CWC15: variants seen among roughly 807,000 people sequenced by gnomAD.
CWC15 encodes CWC15 spliceosome associated protein, also known as spliceosome-associated protein CWC15 homolog.
In CWC15, 12 loss-of-function variants were observed where a neutral mutation model predicts 28.4. That is an observed-to-expected ratio of 0.42 (90% CI 0.27 to 0.69). The LOEUF (loss-of-function observed/expected upper bound fraction) is 0.69, where lower values mean the gene tolerates loss of function less well. CWC15 is among the 30% of genes least tolerant of loss of function. The probability of loss-of-function intolerance (pLI) is 0.23; values close to 1 mark genes in which losing one functional copy is unlikely to be tolerated. For synonymous variants in CWC15, 92 were observed against 88.4 expected (o/e 1.04, Z -0.23); for missense variants, 192 against 271.5 (o/e 0.71, Z 2.06).
chr11:94,965,928 T>C (rs184720845), intron 6 of CWC15, among the ~76,000 whole-genome samples: 20 of 152,304 alleles, frequency 1.3e-4, no homozygotes, highest in Non-Finnish European at 7.4e-5. Context: ...TGAGTTCTTC[T>C]AGTGAGTGTC....
chr11:94,971,084 C>G lies in CWC15; in HGVS notation c.245-19G>C, dbSNP rs782211710. Reference sequence around the variant, plus strand: ...GTATGTTCTGGGGGGAAACAAAAATCATTTAACTTAGTAAAACAAATACTT... The same window carrying G: ...GTATGTTCTGGGGGGAAACAAAAATGATTTAACTTAGTAAAACAAATACTT... On this transcript the variant is annotated intron_variant, in intron 3 of 6. Transcript: ENST00000279839. 6.9e-6 allele frequency: 11 copies of G among 1,589,750 alleles called. No homozygotes were observed. The highest frequency in any genetic ancestry group is 1.7e-5 in the Admixed American group (1 of 59,946).
At position 94,971,379 on chromosome 11, in the gene CWC15, G is replaced by A. The variant is rs587696527; in HGVS notation, c.240C>T (p.Thr80=). 6.2e-7 allele frequency: 1 copy of A among 1,607,928 alleles called. No individual in the cohort carries two copies. Among genetic ancestry groups the A allele is most frequent in the South Asian group, 1.1e-5 (1 of 90,212 alleles). Residue 80 remains threonine (T), a synonymous_variant, in exon 3 of 7, where the codon ACC becomes ACT. Transcript: ENST00000279839. ...TGTCTTGGATAGTGTTGGTACCTCG[G>A]GTTGGACGATCCCTATTTTTCTCTC... The part of the protein sequence containing the change: ...AAREKNRDRP[T]REHTTSSSVS...
intron 5 of CWC15, among the ~76,000 whole-genome samples, chr11:94,967,211 A>G (rs1202464163): frequency 6.6e-6 from 1 of 152,066 alleles, no homozygotes; most frequent in Non-Finnish European, 1.5e-5. Context: ...TATTTTTAGT[A>G]GAGACGTCAT....
intron 6 of CWC15, 81 bp from the exon 7 acceptor site, chr11:94,963,595 T>A: frequency 8.2e-7 from 1 of 1,216,274 alleles, no homozygotes. Flanking sequence ...CAAGGCTTAG[T>A]CAGTTACACA....
At chr11:94,966,241 ACACACACAC>A in intron 6 of CWC15, 45 bp downstream of exon 6, 1 of 879,762 alleles carries the variant, frequency 1.1e-6, no homozygotes. Context: ...ACACACACAC[ACACACACAC>A]ACACACACAC....
At position 94,966,420 on chromosome 11, in the gene CWC15, A is replaced by G; in HGVS notation, c.442-7T>C. ...CAGCTTTTTGTTCTTGTTCCTGTCA[A>G]TGATAAAGGAAGATTAACACTTACT... On this transcript the variant is annotated splice_polypyrimidine_tract_variant and splice_region_variant and intron_variant, in intron 5 of 6. Coordinates refer to ENST00000279839, the MANE Select transcript of CWC15 (RefSeq NM_016403.4). 1 of 1,528,414 alleles carries G rather than the reference A, an allele frequency of 6.5e-7. No individual in the cohort carries two copies. Among genetic ancestry groups the G allele is most frequent in the Non-Finnish European group, 8.9e-7 (1 of 1,126,816 alleles). 94.7% of individuals were successfully genotyped at this position (1,528,414 alleles called of 1,614,324 possible). A position where few individuals can be genotyped will look rare whatever the true frequency, so the allele number is the denominator to read the frequency against.
chr11:94,971,417 T>G lies in CWC15; in HGVS notation c.202A>C (p.Arg68=), dbSNP rs1857718584. 1 of 1,613,150 alleles carries G rather than the reference T, an allele frequency of 6.2e-7. No individual in the cohort carries two copies. Among genetic ancestry groups the G allele is most frequent in the East Asian group, 2.2e-5 (1 of 44,876 alleles). ...CTATTTTTCTCTCTTGCAGCAGCTC[T>G]CTCTCTTTCTTCCAACTCTCTCCTG... ...DFRRELEERE[R]AAAREKNRDR... is the part of the protein sequence containing the mutation. The change falls in exon 3 of 7, where the codon AGA becomes CGA. Residue 68 remains arginine, a synonymous_variant. Coordinates refer to ENST00000279839, the MANE Select transcript of CWC15 (RefSeq NM_016403.4).
intron 5 of CWC15, among the ~76,000 whole-genome samples, chr11:94,967,496 A>T (rs1400429079): frequency 6.6e-6 from 1 of 152,216 alleles, no homozygotes; most frequent in Non-Finnish European, 1.5e-5. Flanking sequence ...CTACCTGTTA[A>T]CATGTTATCT....
At chr11:94,964,530 T>C (rs1312879317) in intron 6 of CWC15, among the ~76,000 whole-genome samples, 1 of 152,226 alleles carries the variant, frequency 6.6e-6, no homozygotes, top group Non-Finnish European at 1.5e-5. Flanking sequence ...TATTTTTGTA[T>C]ATAATCAGTA....
chr11:94,971,377 C>T lies in CWC15; in HGVS notation c.242G>A (p.Arg81Gln). Residue 81 changes from arginine to glutamine, a missense_variant and splice_region_variant, in exon 3 of 7, where the codon CGA becomes CAA. Arg to Gln is a conservative substitution (Grantham distance 43). Transcript: ENST00000279839. ...AREKNRDRPTREHTTSSSVSK... is the reference protein window; with the variant it reads ...AREKNRDRPTQEHTTSSSVSK... ...AATGTCTTGGATAGTGTTGGTACCT[C>T]GGGTTGGACGATCCCTATTTTTCTC... is the stretch of plus-strand genomic sequence containing the variant. 2 of 1,606,492 alleles carry T rather than the reference C, an allele frequency of 1.2e-6. No homozygotes were observed. Among genetic ancestry groups the T allele is most frequent in the Non-Finnish European group, 1.7e-6 (2 of 1,174,808 alleles).
intron 2 of CWC15, 53 bp downstream of exon 2, chr11:94,972,002 T>C: frequency 5.3e-6 from 8 of 1,511,898 alleles, no homozygotes; most frequent in Non-Finnish European, 7.2e-6. Context: ...GACCATGCCA[T>C]TTAACAGATC....
At chr11:94,972,573 T>C (rs1189313684) in intron 1 of CWC15, among the ~76,000 whole-genome samples, 2 of 152,222 alleles carry the variant, frequency 1.3e-5, no homozygotes, top group Non-Finnish European at 2.9e-5. Flanking sequence ...AGTACTGCCA[T>C]GACTGAGTTT....
chr11:94,965,033 T>G (rs1282045709), intron 6 of CWC15, among the ~76,000 whole-genome samples: 1 of 152,230 alleles, frequency 6.6e-6, no homozygotes, highest in Non-Finnish European at 1.5e-5. Flanking sequence ...TCAGCAGTAC[T>G]GCATCACTCC....
chr11:94,964,007 A>G (rs2134097471), intron 6 of CWC15, among the ~76,000 whole-genome samples: 1 of 152,212 alleles, frequency 6.6e-6, no homozygotes, highest in East Asian at 1.9e-4. Flanking sequence ...AGGAGAAGGA[A>G]TCATTGGGGT....
intron 6 of CWC15, among the ~76,000 whole-genome samples, chr11:94,965,024 C>T (rs1259136611): frequency 6.6e-6 from 1 of 152,168 alleles, no homozygotes; most frequent in East Asian, 1.9e-4. Context: ...GGAGAGCAGT[C>T]AGCAGTACTG....
intron 5 of CWC15, among the ~76,000 whole-genome samples, chr11:94,968,969 C>A (rs1555095761): frequency 6.6e-6 from 1 of 152,182 alleles, no homozygotes; most frequent in African/African-American, 2.4e-5. Context: ...CACAATGTGT[C>A]AAATTTAACA....
chr11:94,967,626 TC>T (rs1857664164), intron 5 of CWC15, among the ~76,000 whole-genome samples: 1 of 152,244 alleles, frequency 6.6e-6, no homozygotes, highest in Admixed American at 6.5e-5. Flanking sequence ...ATTTTAATAA[TC>T]TAATTTTTCA....
intron 5 of CWC15, among the ~76,000 whole-genome samples, chr11:94,967,694 T>C (rs1197713769): frequency 6.6e-6 from 1 of 152,228 alleles, no homozygotes; most frequent in Non-Finnish European, 1.5e-5. Context: ...ATTTCATTTT[T>C]ATGAAGAAAA....
At chr11:94,965,382 G>A (rs1243982714) in intron 6 of CWC15, among the ~76,000 whole-genome samples, 1 of 152,100 alleles carries the variant, frequency 6.6e-6, no homozygotes, top group African/African-American at 2.4e-5. Flanking sequence ...CCATCTGAAG[G>A]ATTTACAGTA....
Sources: allele counts gnomAD v4.1 joint callset (sites outside exome capture counted in the v4.1 genomes callset), GRCh38; gene constraint gnomAD v4.1.1; transcripts MANE v1.5; gene names NCBI Gene and HGNC (gene_info 2026-07-23, HGNC 2026-07-21).